The following TRMT9B variants were observed in gnomAD, a reference collection of about 807,000 sequenced individuals.
TRMT9B encodes probable tRNA methyltransferase 9B.
Under a neutral mutation model 11.5 loss-of-function variants are expected in TRMT9B, and 16 were observed. The ratio of observed to expected loss-of-function variants is 1.39; its 90% CI spans 0.94 to 2.11. The LOEUF is 2.11. TRMT9B is among the 30% of genes most tolerant of loss of function. The pLI, the probability that TRMT9B is intolerant of heterozygous loss-of-function variation, is 0.00. For missense variants in TRMT9B, 941 were observed against 553.8 expected, an observed-to-expected ratio of 1.70 and a Z score of -7.02; for synonymous variants, 274 against 192.4, an observed-to-expected ratio of 1.42 and a Z score of -3.51.
At chr8:12,977,922 G>A (rs1563346657) in intron 1 of TRMT9B, among the ~76,000 whole-genome samples, 3 of 152,098 alleles carry the variant, frequency 2.0e-5, no homozygotes. Flanking sequence ...CCATCTACTA[G>A]GGAGGCTGAG....
At chr8:13,004,230 A>G (rs1302836933) in intron 2 of TRMT9B, among the ~76,000 whole-genome samples, 1 of 151,964 alleles carries the variant, frequency 6.6e-6, no homozygotes, top group Non-Finnish European at 1.5e-5. Flanking sequence ...AAGGCAGTGT[A>G]GGCCCCAAGG....
At chr8:12,969,876 A>G (rs1038543769) in intron 1 of TRMT9B, 1 of 143,018 alleles carries the variant, frequency 7.0e-6, no homozygotes, top group African/African-American at 2.6e-5. Context: ...TTGTAGACAC[A>G]TGGTCTTGCT....
rs1311881915 is a variant in TRMT9B at position 12,990,856 on chromosome 8, T to G, written c.-177T>G. ...TAGGGCCTGTGCTTCCTTCAGAGAC[T>G]CACACAAGAGGTTTATCATGAGAAG... On this transcript the variant is annotated 5_prime_UTR_variant, in exon 2 of 5. Transcript: ENST00000524591. 7.8e-7 allele frequency: 1 copy of G among 1,289,428 alleles called. No homozygotes were observed. Among genetic ancestry groups the G allele is most frequent in the African/African-American group, 1.5e-5 (1 of 65,992 alleles). 79.9% of individuals were successfully genotyped at this position (1,289,428 alleles called of 1,614,324 possible). A position where few individuals can be genotyped will look rare whatever the true frequency, so the allele number is the denominator to read the frequency against.
chr8:12,977,434 T>G (rs6531014), intron 1 of TRMT9B, among the ~76,000 whole-genome samples: 115,735 of 152,038 alleles, frequency 0.76, 44,142 homozygotes, highest in Middle Eastern at 0.82. Flanking sequence ...CGGGCGTGGG[T>G]GCTCACATCT....
chr8:12,988,211 C>T (rs946643947), intron 1 of TRMT9B, among the ~76,000 whole-genome samples: 3 of 152,148 alleles, frequency 2.0e-5, no homozygotes, highest in African/African-American at 7.2e-5. Context: ...TTGAGGGAGC[C>T]TTCACTCCCC....
chr8:12,973,764 A>C (rs1159964583), intron 1 of TRMT9B, among the ~76,000 whole-genome samples: 2 of 152,166 alleles, frequency 1.3e-5, no homozygotes, highest in African/African-American at 4.8e-5. Flanking sequence ...GAGCCAGTGA[A>C]AGATTCCATG....
chr8:13,001,783 T>C (rs1166521315), intron 2 of TRMT9B, among the ~76,000 whole-genome samples: 17 of 152,202 alleles, frequency 1.1e-4, no homozygotes, highest in Non-Finnish European at 2.1e-4. Context: ...AGGGACACAA[T>C]GTGAGGCTTT....
chr8:13,013,982 A>G (rs1378508273), intron 4 of TRMT9B, among the ~76,000 whole-genome samples: 1 of 152,186 alleles, frequency 6.6e-6, no homozygotes, highest in Non-Finnish European at 1.5e-5. Context: ...TATTTGATTA[A>G]TAAGTTTTAT....
intron 4 of TRMT9B, among the ~76,000 whole-genome samples, chr8:13,020,410 T>C (rs527710360): frequency 6.6e-6 from 1 of 152,316 alleles, no homozygotes; most frequent in South Asian, 2.1e-4. Flanking sequence ...GGAAGTAAAA[T>C]GATGATGTAT....
chr8:12,955,487 G>T (rs1801176234), intron 1 of TRMT9B, among the ~76,000 whole-genome samples: 1 of 151,992 alleles, frequency 6.6e-6, no homozygotes, highest in African/African-American at 2.4e-5. Context: ...TTGTTAATAT[G>T]TCTCGGCATC....
rs545539186 is a variant in TRMT9B at position 13,012,731 on chromosome 8, G to C, written c.202G>C (p.Val68Leu). The change falls in exon 4 of 5, where the codon GTG (valine) becomes CTG (leucine). Residue 68 changes from valine to leucine, a missense_variant. Coordinates refer to ENST00000524591, the MANE Select transcript of TRMT9B (RefSeq NM_020844.3). ...YLKVNSQVHT[V>L]GCDYCGPLVE... ...TAAAGTGAACAGCCAGGTACATACCGTGGGCTGTGACTACTGTGGGCCACT... is the reference window on the plus strand; with the variant it reads ...TAAAGTGAACAGCCAGGTACATACCCTGGGCTGTGACTACTGTGGGCCACT... The C allele has an allele frequency of 5.6e-6, 9 of 1,613,976 alleles. No homozygotes were observed. Among genetic ancestry groups the C allele is most frequent in the South Asian group, 5.5e-5 (5 of 91,082 alleles).
At chr8:12,957,645 T>C (rs1490524391) in intron 1 of TRMT9B, among the ~76,000 whole-genome samples, 1 of 152,108 alleles carries the variant, frequency 6.6e-6, no homozygotes, top group Non-Finnish European at 1.5e-5. Context: ...TACAGAAGCA[T>C]AAATGGAGAC....
intron 2 of TRMT9B, among the ~76,000 whole-genome samples, chr8:12,994,316 T>A (rs986048843): frequency 6.6e-6 from 1 of 152,256 alleles, no homozygotes; most frequent in Non-Finnish European, 1.5e-5. Flanking sequence ...GACCCTCTGC[T>A]CTTTCAAACT....
intron 2 of TRMT9B, among the ~76,000 whole-genome samples, chr8:13,004,710 G>A (rs1489687229): frequency 1.3e-5 from 2 of 152,048 alleles, no homozygotes; most frequent in Admixed American, 1.3e-4. Flanking sequence ...TCTGAGTCTT[G>A]CTGGCTCCAG....
Position 12,989,406 on chromosome 8 carries a change from A to G in TRMT9B, c.-199-1428A>G, listed in dbSNP as rs139647385. ...CAGAGGCAAATTTGGATCCTAATTT[A>G]GGAAAAAGAAGCAAAATCAGTCATA... On this transcript the variant is annotated intron_variant, in intron 1 of 4. Coordinates refer to ENST00000524591, the MANE Select transcript of TRMT9B (RefSeq NM_020844.3). Among the ~76,000 whole-genome samples, 341 of 152,352 alleles carry G rather than the reference A, an allele frequency of 2.2e-3. 2 individuals are homozygous for G. Among genetic ancestry groups the G allele is most frequent in the African/African-American group, 8.0e-3 (332 of 41,588 alleles).
At chr8:12,987,790 C>A (rs569096831) in intron 1 of TRMT9B, among the ~76,000 whole-genome samples, 42 of 152,290 alleles carry the variant, frequency 2.8e-4, no homozygotes, top group African/African-American at 1.0e-3. Flanking sequence ...CATTAGCCGA[C>A]AGCTGGGCAA....
At chr8:12,988,831 A>G (rs1411447260) in intron 1 of TRMT9B, among the ~76,000 whole-genome samples, 1 of 152,160 alleles carries the variant, frequency 6.6e-6, no homozygotes, top group Non-Finnish European at 1.5e-5. Context: ...AATAATCTTG[A>G]TTCTTGGTAT....
At chr8:13,004,765 C>G (rs1399331081) in intron 2 of TRMT9B, among the ~76,000 whole-genome samples, 1 of 152,070 alleles carries the variant, frequency 6.6e-6, no homozygotes, top group Non-Finnish European at 1.5e-5. Flanking sequence ...TGGGGCAACA[C>G]TCCTGCTTAA....
chr8:13,017,005 T>A (rs1166235682), intron 4 of TRMT9B, among the ~76,000 whole-genome samples: 3 of 151,458 alleles, frequency 2.0e-5, no homozygotes, highest in African/African-American at 7.3e-5. Flanking sequence ...ATGCCTGTAA[T>A]CTCAGCTACT....
Sources: gnomAD v4.1 joint callset for allele counts (sites outside exome capture counted in the v4.1 genomes callset) on GRCh38, gnomAD v4.1.1 for gene constraint, MANE v1.5 for transcripts, NCBI Gene and HGNC (gene_info 2026-07-23, HGNC 2026-07-21) for gene names.